The following MSRA variants were observed in gnomAD, a reference collection of about 807,000 sequenced individuals.
MSRA encodes mitochondrial peptide methionine sulfoxide reductase.
MSRA carries 54 observed loss-of-function variants against 31.3 expected under a neutral mutation model. The ratio of observed to expected loss-of-function variants is 1.73; its 90% CI spans 1.39 to 2.17. The LOEUF (loss-of-function observed/expected upper bound fraction) is 2.17. Among genes scored for constraint, MSRA ranks in the 30% most tolerant of loss-of-function variants. The pLI is 0.00. For missense variants in MSRA, 507 were observed against 300.9 expected, an observed-to-expected ratio of 1.69 and a Z score of -5.07; for synonymous variants, 169 against 116.5, an observed-to-expected ratio of 1.45 and a Z score of -2.90.
At chr8:10,247,756 C>T (rs546387466) in intron 3 of MSRA, among the ~76,000 whole-genome samples, 18 of 152,148 alleles carry the variant, frequency 1.2e-4, no homozygotes, top group African/African-American at 3.9e-4. Context: ...GAAGGAGAGA[C>T]GATTTCTTTC....
At chr8:10,308,126 G>C (rs948785406) in intron 4 of MSRA, among the ~76,000 whole-genome samples, 3 of 152,148 alleles carry the variant, frequency 2.0e-5, no homozygotes, top group African/African-American at 4.8e-5. Context: ...ACCATCCCAG[G>C]CTGGATCTTT....
intron 5 of MSRA, among the ~76,000 whole-genome samples, chr8:10,356,127 G>A (rs1456543341): frequency 1.3e-5 from 2 of 152,130 alleles, no homozygotes; most frequent in Non-Finnish European, 2.9e-5. Context: ...CAGCACCAGG[G>A]GTCTGGACAT....
intron 5 of MSRA, among the ~76,000 whole-genome samples, chr8:10,329,860 A>G (rs1207669595): frequency 2.0e-5 from 3 of 151,586 alleles, no homozygotes; most frequent in East Asian, 2.0e-4. Context: ...AAAATTTGCA[A>G]AAGTTTATCC....
chr8:10,312,892 T>G (rs145006501), intron 4 of MSRA, among the ~76,000 whole-genome samples: 106 of 152,358 alleles, frequency 7.0e-4, no homozygotes, highest in African/African-American at 2.4e-3. Context: ...TTTCTTATTC[T>G]GATAAGGAGT....
At chr8:10,273,676 C>T (rs1033158841) in intron 3 of MSRA, among the ~76,000 whole-genome samples, 12 of 152,242 alleles carry the variant, frequency 7.9e-5, no homozygotes, top group Admixed American at 3.3e-4. Context: ...CAAAACTTTT[C>T]AGTAAATCAA....
chr8:10,154,728 T>C (rs1804003379), intron 1 of MSRA, among the ~76,000 whole-genome samples: 1 of 152,186 alleles, frequency 6.6e-6, no homozygotes, highest in African/African-American at 2.4e-5. Context: ...GAAACAATTC[T>C]ACTTTTTTCT....
intron 5 of MSRA, among the ~76,000 whole-genome samples, chr8:10,404,004 T>C (rs934097180): frequency 6.6e-6 from 1 of 152,232 alleles, no homozygotes; most frequent in South Asian, 2.1e-4. Flanking sequence ...GGCGGGGGAC[T>C]GTTGCTCACT....
At chr8:10,345,310 G>A (rs147142261) in intron 5 of MSRA, among the ~76,000 whole-genome samples, 108 of 152,256 alleles carry the variant, frequency 7.1e-4, no homozygotes, top group African/African-American at 2.6e-3. Flanking sequence ...TTTCCATGTC[G>A]GTTAGATGGG....
intron 1 of MSRA, among the ~76,000 whole-genome samples, chr8:10,094,603 G>A (rs1160467195): frequency 6.6e-6 from 1 of 152,158 alleles, no homozygotes; most frequent in African/African-American, 2.4e-5. Flanking sequence ...GCAGAATCAA[G>A]GACTAGAAGT....
chr8:10,320,814 T>C (rs1036565853), intron 5 of MSRA, among the ~76,000 whole-genome samples: 1 of 152,258 alleles, frequency 6.6e-6, no homozygotes, highest in Non-Finnish European at 1.5e-5. Flanking sequence ...GTCTTCTCCA[T>C]GTTTATATTC....
chr8:10,089,352 TG>T (rs1173621014), intron 1 of MSRA, among the ~76,000 whole-genome samples: 1 of 152,262 alleles, frequency 6.6e-6, no homozygotes, highest in Non-Finnish European at 1.5e-5. Flanking sequence ...TTTCCCTTTT[TG>T]TGTTCATTTT....
At chr8:10,124,071 T>G (rs1801321390) in intron 1 of MSRA, among the ~76,000 whole-genome samples, 1 of 151,780 alleles carries the variant, frequency 6.6e-6, no homozygotes, top group Non-Finnish European at 1.5e-5. Context: ...GCTTCTGGTG[T>G]GGGTGGGGCT....
chr8:10,281,805 C>T (rs910786467), intron 3 of MSRA, among the ~76,000 whole-genome samples: 12 of 152,160 alleles, frequency 7.9e-5, no homozygotes, highest in Non-Finnish European at 1.3e-4. Flanking sequence ...CTGATCAAGA[C>T]GAAGGCTATT....
chr8:10,287,636 T>A (rs1800006690), intron 3 of MSRA, among the ~76,000 whole-genome samples: 1 of 152,198 alleles, frequency 6.6e-6, no homozygotes, highest in Admixed American at 6.5e-5. Flanking sequence ...TGTCTTGGTC[T>A]GGTGAATTTT....
chr8:10,310,057 A>G (rs538855865), intron 4 of MSRA, among the ~76,000 whole-genome samples: 1 of 152,372 alleles, frequency 6.6e-6, no homozygotes, highest in East Asian at 1.9e-4. Context: ...CCAGATTAAT[A>G]TCTGAACTTC....
At chr8:10,211,266 A>G (rs1041821451) in intron 2 of MSRA, among the ~76,000 whole-genome samples, 1 of 152,158 alleles carries the variant, frequency 6.6e-6, no homozygotes, top group African/African-American at 2.4e-5. Flanking sequence ...TAGATAGATG[A>G]TTCCTTAAAA....
At position 10,207,883 on chromosome 8, in the gene MSRA, A is replaced by G. The variant is rs1809138900; in HGVS notation, c.193A>G (p.Thr65Ala). ...NRTVEPFPEG[T>A]QMAVFGMGCF... is the part of the protein sequence containing the mutation. ...AACAGTCGAACCTTTCCCAGAGGGA[A>G]CACAGATGGCTGTATTTGGTAAGAT... The change falls in exon 2 of 6, where the codon ACA (threonine) becomes GCA (alanine). Residue 65 changes from threonine to alanine, a missense_variant. Transcript: ENST00000317173. 6.2e-7 allele frequency: 1 copy of G among 1,612,824 alleles called. No homozygotes were observed. The highest frequency in any genetic ancestry group is 1.3e-5 in the African/African-American group (1 of 74,998).
In MSRA at chr8:10,217,390, G is replaced by A. The variant is rs74614004; in HGVS notation, c.211+9489G>A. On this transcript the variant is annotated intron_variant, in intron 2 of 5. Transcript: ENST00000317173. Reference sequence around the variant, plus strand: ...TCCTTGCATCTCTGCAGGTGCTAGCGTGCTTGTCTGCTGGCTCTGGTTTAA... The same window carrying A: ...TCCTTGCATCTCTGCAGGTGCTAGCATGCTTGTCTGCTGGCTCTGGTTTAA... Among the ~76,000 whole-genome samples the A allele has an allele frequency of 1.1e-4, 17 of 152,324 alleles. No individual in the cohort carries two copies. In the East Asian group the frequency reaches 2.3e-3, roughly 21 times the overall value.
At chr8:10,382,518 G>T (rs923458442) in intron 5 of MSRA, among the ~76,000 whole-genome samples, 1 of 152,150 alleles carries the variant, frequency 6.6e-6, no homozygotes, top group Non-Finnish European at 1.5e-5. Context: ...AATGTCCAGA[G>T]GCTGTCATTC....
Sources: gnomAD v4.1 joint callset for allele counts (sites outside exome capture counted in the v4.1 genomes callset) on GRCh38, gnomAD v4.1.1 for gene constraint, MANE v1.5 for transcripts, NCBI Gene and HGNC (gene_info 2026-07-23, HGNC 2026-07-21) for gene names.